RBMS3: variants seen among roughly 807,000 people sequenced by gnomAD.
RBMS3 encodes the protein RNA binding motif single stranded interacting protein 3, also known as RNA-binding motif, single-stranded-interacting protein 3.
In RBMS3, 27 loss-of-function variants were observed where a neutral mutation model predicts 66.8. That is an observed-to-expected ratio of 0.40 (90% CI 0.30 to 0.56). The LOEUF is 0.56. Among genes scored for constraint, RBMS3 ranks in the 20% least tolerant of loss-of-function variants. RBMS3 has a pLI of 0.40. For missense variants in RBMS3, 513 were observed against 549.5 expected, an observed-to-expected ratio of 0.93 and a Z score of 0.66; for synonymous variants, 188 against 183.0, an observed-to-expected ratio of 1.03 and a Z score of -0.22.
intron 4 of RBMS3, among the ~76,000 whole-genome samples, chr3:29,732,725 C>T (rs1352755852): frequency 6.6e-6 from 1 of 151,998 alleles, no homozygotes; most frequent in Non-Finnish European, 1.5e-5. Context: ...TGAGAAAAAA[C>T]ATTTAGTTTT....
At chr3:29,377,105 A>T (rs12491094) in intron 1 of RBMS3, among the ~76,000 whole-genome samples, 2 of 151,104 alleles carry the variant, frequency 1.3e-5, no homozygotes, top group African/African-American at 4.9e-5. Context: ...AAAAAAAAAG[A>T]AAAGCAAAGA....
At position 29,425,131 on chromosome 3, in the gene RBMS3, C is replaced by G. The variant is rs906103220; in HGVS notation, c.76-9612C>G. On this transcript the variant is annotated intron_variant, in intron 1 of 14. Coordinates refer to ENST00000383767, the MANE Select transcript of RBMS3 (RefSeq NM_001003793.3). ...GGCCGAGGTGGGCGGATCACAAGGT[C>G]AGGAGATCGAGACCATCCTGGCTAA... 4.1e-5 allele frequency among the ~76,000 whole-genome samples: 6 copies of G among 145,562 alleles called. No homozygotes were observed. In the Admixed American group the frequency reaches 4.3e-4, roughly 10 times the overall value.
intron 4 of RBMS3, among the ~76,000 whole-genome samples, chr3:29,697,616 A>AT (rs1384690147): frequency 1.3e-5 from 2 of 152,146 alleles, no homozygotes; most frequent in Non-Finnish European, 2.9e-5. Flanking sequence ...ATTTCTTTGG[A>AT]TTTTTGAATA....
chr3:29,839,144 G>A (rs72848033), intron 6 of RBMS3, among the ~76,000 whole-genome samples: 3 of 152,096 alleles, frequency 2.0e-5, no homozygotes, highest in Non-Finnish European at 2.9e-5. Context: ...CCATTAATTT[G>A]GTGACAGCCA....
chr3:29,574,219 G>A (rs989519966), intron 3 of RBMS3, among the ~76,000 whole-genome samples: 3 of 152,070 alleles, frequency 2.0e-5, no homozygotes, highest in African/African-American at 7.2e-5. Flanking sequence ...AATAATATTT[G>A]CTTTATATAT....
chr3:29,332,159 A>G (rs183720304), intron 1 of RBMS3, among the ~76,000 whole-genome samples: 7 of 152,236 alleles, frequency 4.6e-5, no homozygotes, highest in Admixed American at 4.6e-4. Flanking sequence ...TATTCAGCCC[A>G]GCTCTGAAAA....
chr3:29,632,089 T>C (rs1264990531), intron 4 of RBMS3, among the ~76,000 whole-genome samples: 1 of 151,978 alleles, frequency 6.6e-6, no homozygotes, highest in African/African-American at 2.4e-5. Flanking sequence ...TATTTCTCTG[T>C]AGAGCTGCTT....
At chr3:29,878,036 G>T (rs1023125250) in intron 7 of RBMS3, among the ~76,000 whole-genome samples, 1 of 152,038 alleles carries the variant, frequency 6.6e-6, no homozygotes, top group East Asian at 1.9e-4. Context: ...GAGGGGGTTG[G>T]TTTCAGGGTG....
chr3:29,859,499 A>G (rs2059159902), intron 6 of RBMS3, among the ~76,000 whole-genome samples: 1 of 152,204 alleles, frequency 6.6e-6, no homozygotes, highest in Non-Finnish European at 1.5e-5. Flanking sequence ...ACAAATTAGC[A>G]AGCAATTCGT....
intron 12 of RBMS3, among the ~76,000 whole-genome samples, chr3:29,950,111 G>C (rs1027156891): frequency 6.6e-6 from 1 of 151,736 alleles, no homozygotes; most frequent in Non-Finnish European, 1.5e-5. Context: ...GATTATAAGG[G>C]AAAGCTTTCC....
intron 14 of RBMS3, among the ~76,000 whole-genome samples, chr3:29,999,250 AAGTC>A (rs1699454359): frequency 6.6e-6 from 1 of 152,212 alleles, no homozygotes; most frequent in South Asian, 2.1e-4. Flanking sequence ...AATCATTAAA[AAGTC>A]AGGAAACAAC....
chr3:29,401,678 G>A (rs2039817417), intron 1 of RBMS3, among the ~76,000 whole-genome samples: 1 of 152,070 alleles, frequency 6.6e-6, no homozygotes, highest in African/African-American at 2.4e-5. Context: ...GGGAACTTCT[G>A]AATGAAGATG....
In RBMS3 at chr3:29,305,469, C is replaced by A. The variant is rs544865621; in HGVS notation, c.75+23713C>A. Among the ~76,000 whole-genome samples, 4 of 151,956 alleles carry A rather than the reference C, an allele frequency of 2.6e-5. No homozygotes were observed. The South Asian group carries it at 6.2e-4, about 24-fold the overall frequency. ...ACTCCTTGAGTGAATAACCAGCTGC[C>A]CCTCAGGTTTATGCCTAGACCTGGT... On this transcript the variant is annotated intron_variant, in intron 1 of 14. Coordinates refer to ENST00000383767, the MANE Select transcript of RBMS3 (RefSeq NM_001003793.3).
chr3:29,611,513 T>C (rs1185234919), intron 4 of RBMS3, among the ~76,000 whole-genome samples: 2 of 151,914 alleles, frequency 1.3e-5, no homozygotes, highest in African/African-American at 4.8e-5. Flanking sequence ...GATGTGTATT[T>C]TATGTAATTG....
At chr3:29,542,051 G>T (rs2045783955) in intron 3 of RBMS3, among the ~76,000 whole-genome samples, 1 of 152,062 alleles carries the variant, frequency 6.6e-6, no homozygotes, top group Admixed American at 6.5e-5. Flanking sequence ...CCCATTATCA[G>T]TTGTCTGGGT....
chr3:29,405,207 C>T (rs2039964443), intron 1 of RBMS3, among the ~76,000 whole-genome samples: 1 of 152,112 alleles, frequency 6.6e-6, no homozygotes, highest in Admixed American at 6.6e-5. Flanking sequence ...TATCTGGAAA[C>T]TTTTATGTTC....
rs114848702 is a variant in RBMS3 at position 29,454,310 on chromosome 3, G to A, written c.248+19395G>A. On this transcript the variant is annotated intron_variant, in intron 2 of 14. Transcript: ENST00000383767. Reference sequence around the variant, plus strand: ...TCATCCCTCTTCTTTTGTTGGGGTGGGAGTGAGGAGAAGGGACTCTGGCAA... The same window carrying A: ...TCATCCCTCTTCTTTTGTTGGGGTGAGAGTGAGGAGAAGGGACTCTGGCAA... 3.3e-3 allele frequency among the ~76,000 whole-genome samples: 498 copies of A among 152,184 alleles called. 3 individuals are homozygous for A. Among genetic ancestry groups the A allele is most frequent in the African/African-American group, 0.012 (479 of 41,524 alleles).
At chr3:29,972,368 C>A (rs1349003986) in intron 12 of RBMS3, among the ~76,000 whole-genome samples, 1 of 151,982 alleles carries the variant, frequency 6.6e-6, no homozygotes, top group Non-Finnish European at 1.5e-5. Flanking sequence ...AATCAGATAG[C>A]TTTATGCCCT....
chr3:29,750,058 GAGTC>G (rs767418188), intron 5 of RBMS3, among the ~76,000 whole-genome samples: 60 of 152,124 alleles, frequency 3.9e-4, no homozygotes, highest in Non-Finnish European at 6.5e-4. Flanking sequence ...AAATATAAAA[GAGTC>G]AGTAATGTTG....
Sources: allele counts gnomAD v4.1 joint callset (sites outside exome capture counted in the v4.1 genomes callset), GRCh38; gene constraint gnomAD v4.1.1; transcripts MANE v1.5; gene names NCBI Gene and HGNC (gene_info 2026-07-23, HGNC 2026-07-21).